ATG7: variants seen among roughly 807,000 people sequenced by gnomAD.
The protein encoded by ATG7 is ubiquitin-like modifier-activating enzyme ATG7.
In ATG7, 70 loss-of-function variants were observed where a neutral mutation model predicts 82.4. That is an observed-to-expected ratio of 0.85 (90% CI 0.70 to 1.04). The LOEUF is 1.04. Ranked by LOEUF, ATG7 falls within the 50% of genes least tolerant of loss-of-function variation. The probability of loss-of-function intolerance (pLI) is 0.00; values close to 1 mark genes in which losing one functional copy is unlikely to be tolerated. For synonymous variants in ATG7, 287 were observed against 313.0 expected (o/e 0.92, Z 0.88); for missense variants, 792 against 864.3 (o/e 0.92, Z 1.05).
chr3:11,439,479 T>G (rs1388993582), intron 20 of ATG7, among the ~76,000 whole-genome samples: 2 of 152,214 alleles, frequency 1.3e-5, no homozygotes, highest in African/African-American at 4.8e-5. Flanking sequence ...ATTGTTGATC[T>G]TTTATCATGG....
Position 11,516,348 on chromosome 3 carries a change from TA to T in ATG7, c.2080-38452del, listed in dbSNP as rs879878981. ...ACTTAAAGTATAATAATAATAAAAT[TA>T]AAAAAAAAAAGATGTTCCACATCAT... On this transcript the variant is annotated intron_variant, in intron 20 of 20. Coordinates refer to ENST00000693202, the MANE Select transcript of ATG7 (RefSeq NM_001349232.2). 7.9e-3 allele frequency among the ~76,000 whole-genome samples: 1,157 copies of T among 145,602 alleles called. 8 individuals carry two copies. Among genetic ancestry groups the T allele is most frequent in the African/African-American group, 0.015 (581 of 39,630 alleles).
rs143018424 is a variant in ATG7, at chr3:11,480,143, G to A, written c.2079+53217G>A. Among the ~76,000 whole-genome samples, 558 of 152,178 alleles carry A rather than the reference G, an allele frequency of 3.7e-3. 5 individuals are homozygous for A. The highest frequency in any genetic ancestry group is 0.013 in the African/African-American group (536 of 41,532). On this transcript the variant is annotated intron_variant, in intron 20 of 20. Coordinates refer to ENST00000693202, the MANE Select transcript of ATG7 (RefSeq NM_001349232.2). ...AGACGGGGTTTCACTGTGTTAGCCA[G>A]CATGGTCTCGATCTCCTGACCTCGA...
At chr3:11,570,036 G>T in the ATG7 span, among the ~76,000 whole-genome samples, 1 of 152,104 alleles carries the variant, frequency 6.6e-6, no homozygotes, top group Non-Finnish European at 1.5e-5. Context: ...AATTTTACCT[G>T]AATAATATAG....
chr3:11,343,081 A>G (rs1406409637), intron 13 of ATG7, among the ~76,000 whole-genome samples: 2 of 152,016 alleles, frequency 1.3e-5, no homozygotes, highest in African/African-American at 4.8e-5. Flanking sequence ...GGTGTGCACC[A>G]TTACACTTGG....
intron 20 of ATG7, among the ~76,000 whole-genome samples, chr3:11,440,323 C>CTCTTT (rs2083765958): frequency 8.8e-6 from 1 of 113,846 alleles, no homozygotes; most frequent in Non-Finnish European, 1.7e-5. Context: ...GGCCTTTACT[C>CTCTTT]TTTTTTTTTT....
In ATG7 at chr3:11,379,976, G is replaced by A. The variant is rs1256655001; in HGVS notation, c.1880G>A (p.Arg627Gln). Reference protein sequence around the residue: ...TSLGLVPHQIRGFLSRFDNVL... With the variant: ...TSLGLVPHQIQGFLSRFDNVL... Reference sequence around the variant, plus strand: ...TTTTGTTTTGTTTGTTTTTAGATCCGGGGATTTCTTTCACGGTTTGATAAT... The same window carrying A: ...TTTTGTTTTGTTTGTTTTTAGATCCAGGGATTTCTTTCACGGTTTGATAAT... The change falls in exon 19 of 21, where the codon CGG becomes CAG. Residue 627 changes from arginine to glutamine, a missense_variant. Coordinates refer to ENST00000693202, the MANE Select transcript of ATG7 (RefSeq NM_001349232.2). 17 of 1,613,790 alleles carry A rather than the reference G, an allele frequency of 1.1e-5. No individual in the cohort carries two copies. The highest frequency in any genetic ancestry group is 3.3e-5 in the Admixed American group (2 of 59,996).
intron 20 of ATG7, chr3:11,477,043 A>G (rs999818713): frequency 3.6e-5 from 44 of 1,216,740 alleles, no homozygotes; most frequent in African/African-American, 6.2e-5. Context: ...GTTATGCACA[A>G]TGGGCACTTG....
chr3:11,317,640 T>C (rs1341930933), intron 9 of ATG7, among the ~76,000 whole-genome samples: 1 of 148,810 alleles, frequency 6.7e-6, no homozygotes, highest in Non-Finnish European at 1.5e-5. Context: ...TCGCCCAGGC[T>C]GAAGTACAGT....
intron 20 of ATG7, among the ~76,000 whole-genome samples, chr3:11,522,272 G>C (rs982448173): frequency 1.5e-4 from 23 of 152,292 alleles, no homozygotes; most frequent in African/African-American, 5.5e-4. Context: ...CGCAGAGGCT[G>C]GCAGATCATG....
intron 3 of ATG7, among the ~76,000 whole-genome samples, chr3:11,286,807 G>A (rs941970786): frequency 5.3e-5 from 8 of 151,772 alleles, no homozygotes; most frequent in African/African-American, 1.9e-4. Flanking sequence ...TGTTGCCCAT[G>A]TTGCCCAGGC....
intron 4 of ATG7, 92 bp from the exon 5 acceptor site, chr3:11,299,270 A>G: frequency 7.5e-7 from 1 of 1,331,992 alleles, no homozygotes; most frequent in Non-Finnish European, 1.1e-6. Flanking sequence ...CCTTGGGCTC[A>G]ACAAAGAGAA....
intron 20 of ATG7, among the ~76,000 whole-genome samples, chr3:11,521,059 T>G (rs905987234): frequency 2.0e-5 from 3 of 152,156 alleles, no homozygotes; most frequent in African/African-American, 4.8e-5. Flanking sequence ...GTTCCCAGTT[T>G]CCCCTTCCAT....
intron 20 of ATG7, among the ~76,000 whole-genome samples, chr3:11,526,103 A>G (rs1165572162): frequency 6.6e-6 from 1 of 152,170 alleles, no homozygotes; most frequent in African/African-American, 2.4e-5. Context: ...CATAATCTTC[A>G]TCAAGGGCCA....
downstream of ATG7, chr3:11,558,799 C>T (rs1025200275): frequency 2.5e-6 from 4 of 1,613,622 alleles, no homozygotes; most frequent in Admixed American, 1.7e-5. Context: ...GGAAATGCTC[C>T]TCCACCACGG....
At chr3:11,372,827 C>T (rs75731276) in intron 18 of ATG7, among the ~76,000 whole-genome samples, 2 of 127,508 alleles carry the variant, frequency 1.6e-5, no homozygotes, top group African/African-American at 8.1e-5. Context: ...CGCGCGTGTG[C>T]GTGTGTGTGC....
Position 11,487,457 on chromosome 3 carries a change from C to T in ATG7, c.2079+60531C>T, listed in dbSNP as rs77936215. Among the ~76,000 whole-genome samples the T allele has an allele frequency of 1.6e-3, 104 of 66,270 alleles. 2 individuals carry two copies. Among genetic ancestry groups the T allele is most frequent in the African/African-American group, 5.5e-3 (92 of 16,696 alleles). The allele number at this position is 66,270 out of a possible 152,430, so 43.5% of individuals were successfully genotyped here. On this transcript the variant is annotated intron_variant, in intron 20 of 20. Transcript: ENST00000693202. ...CTCCCGGACGGGGCGGCTGGCCGGG[C>T]GGGGGGCTGACCCCCCAACCTCCCT...
chr3:11,366,237 A>AT, intron 18 of ATG7, among the ~76,000 whole-genome samples: 1 of 151,678 alleles, frequency 6.6e-6, no homozygotes, highest in Non-Finnish European at 1.5e-5. Flanking sequence ...AAAAAAAAAA[A>AT]ATAGAACTTG....
chr3:11,360,896 G>T (rs1219286658), intron 16 of ATG7, 112 bp downstream of exon 16: 1 of 1,227,970 alleles, frequency 8.1e-7, no homozygotes, highest in Non-Finnish European at 1.1e-6. Context: ...TTTTAACAAA[G>T]AGAAGAATTC....
rs1314772655 is a variant in ATG7 at position 11,472,680 on chromosome 3, C to T, written c.2079+45754C>T. Reference sequence around the variant, plus strand: ...ATTTCCTAGAATGGTATGATAGACCCCAAGCAGGTGGCTTGTGTCGTCCTT... The same window carrying T: ...ATTTCCTAGAATGGTATGATAGACCTCAAGCAGGTGGCTTGTGTCGTCCTT... On this transcript the variant is annotated intron_variant, in intron 20 of 20. Transcript: ENST00000693202. Among the ~76,000 whole-genome samples, 5 of 152,152 alleles carry T rather than the reference C, an allele frequency of 3.3e-5. No homozygotes were observed. The East Asian group carries it at 9.7e-4, about 29-fold the overall frequency.
Sources: allele counts gnomAD v4.1 joint callset (sites outside exome capture counted in the v4.1 genomes callset), GRCh38; gene constraint gnomAD v4.1.1; transcripts MANE v1.5; gene names NCBI Gene and HGNC (gene_info 2026-07-23, HGNC 2026-07-21).